Variants in SDC2 observed in about 807,000 individuals in gnomAD.
SDC2 encodes the protein syndecan-2.
A neutral mutation model predicts 22.2 loss-of-function variants in SDC2; 13 were observed. The observed-to-expected ratio is 0.59, with a 90% CI of 0.38 to 0.93. The LOEUF (loss-of-function observed/expected upper bound fraction) is 0.93, where lower values mean the gene tolerates loss of function less well. SDC2 is among the 40% of genes least tolerant of loss of function. SDC2 has a pLI of 0.00. For missense variants in SDC2, 235 were observed against 246.8 expected, an observed-to-expected ratio of 0.95 and a Z score of 0.32; for synonymous variants, 94 against 92.8, an observed-to-expected ratio of 1.01 and a Z score of -0.07.
intron 1 of SDC2, among the ~76,000 whole-genome samples, chr8:96,554,039 C>T (rs1337024587): frequency 6.6e-6 from 1 of 152,166 alleles, no homozygotes; most frequent in East Asian, 1.9e-4. Context: ...ATCTGCCTTG[C>T]TTCAGCCTCC....
chr8:96,591,688 G>A (rs1227377177), intron 1 of SDC2, among the ~76,000 whole-genome samples: 1 of 152,148 alleles, frequency 6.6e-6, no homozygotes, highest in East Asian at 1.9e-4. Flanking sequence ...GTCACAGCCT[G>A]TTTCATAGTA....
At chr8:96,535,119 C>G (rs2130496443) in intron 1 of SDC2, among the ~76,000 whole-genome samples, 1 of 152,194 alleles carries the variant, frequency 6.6e-6, no homozygotes, top group East Asian at 1.9e-4. Context: ...AAGCAATTCT[C>G]CTGCGTCAGC....
Position 96,602,403 on chromosome 8 carries a change from G to A in SDC2, c.181G>A (p.Glu61Lys). ...TTCACTTACTTTTCCAGGAGCTGAT[G>A]AGGATGTAGAGAGTCCAGAGCTGAC... Reference protein sequence around the residue: ...YASASGSGADEDVESPELTTS... With the variant: ...YASASGSGADKDVESPELTTS... The change falls in exon 3 of 5, where the codon GAG becomes AAG. Residue 61 changes from glutamate (E) to lysine (K), a missense_variant. Physicochemically the swap from Glu to Lys is moderately conservative, Grantham distance 56. Transcript: ENST00000302190. 6.2e-7 allele frequency: 1 copy of A among 1,613,690 alleles called. No homozygotes were observed.
At chr8:96,584,507 A>G (rs561916172) in intron 1 of SDC2, among the ~76,000 whole-genome samples, 1 of 152,340 alleles carries the variant, frequency 6.6e-6, no homozygotes, top group East Asian at 1.9e-4. Flanking sequence ...AACACTTCTG[A>G]ATACGAAATA....
intron 1 of SDC2, among the ~76,000 whole-genome samples, chr8:96,578,453 A>G (rs1814539164): frequency 6.6e-6 from 1 of 152,260 alleles, no homozygotes; most frequent in African/African-American, 2.4e-5. Context: ...CATTTCCATC[A>G]TCACAGATTT....
At chr8:96,551,260 C>T (rs1485158249) in intron 1 of SDC2, among the ~76,000 whole-genome samples, 1 of 152,206 alleles carries the variant, frequency 6.6e-6, no homozygotes, top group African/African-American at 2.4e-5. Context: ...ACTTCTCACT[C>T]ACTAAGTGGG....
At chr8:96,498,579 C>CGT (rs1813111124) in intron 1 of SDC2, among the ~76,000 whole-genome samples, 1 of 152,126 alleles carries the variant, frequency 6.6e-6, no homozygotes, top group South Asian at 2.1e-4. Context: ...CAACCACCAC[C>CGT]TCCCAGGTTC....
intron 4 of SDC2, 94 bp downstream of exon 4, chr8:96,608,564 T>C: frequency 8.6e-7 from 1 of 1,162,088 alleles, no homozygotes. Context: ...CTTGCTGTCA[T>C]CTTTCTGCTG....
chr8:96,494,491 C>T (rs1034718290), intron 1 of SDC2, among the ~76,000 whole-genome samples, 160 bp downstream of exon 1: 3 of 152,360 alleles, frequency 2.0e-5, no homozygotes, highest in Admixed American at 6.5e-5. Context: ...CACCCTTTCC[C>T]CCTCTTCCCT....
intron 1 of SDC2, among the ~76,000 whole-genome samples, chr8:96,557,742 A>G (rs2575716): frequency 0.52 from 78,523 of 151,818 alleles, 22,956 homozygotes; most frequent in Non-Finnish European, 0.68. Context: ...AACCTGCACA[A>G]TATGCACATG....
chr8:96,563,256 C>A (rs895699861), intron 1 of SDC2, among the ~76,000 whole-genome samples: 2 of 152,184 alleles, frequency 1.3e-5, no homozygotes, highest in Admixed American at 1.3e-4. Context: ...GCCCACCATT[C>A]TAACGGCCTT....
intron 1 of SDC2, among the ~76,000 whole-genome samples, chr8:96,523,891 T>C (rs1813535973): frequency 6.6e-6 from 1 of 152,178 alleles, no homozygotes; most frequent in Non-Finnish European, 1.5e-5. Flanking sequence ...CTCAACGTGT[T>C]GGTAACTTTA....
At chr8:96,521,547 G>A (rs1389928184) in intron 1 of SDC2, among the ~76,000 whole-genome samples, 1 of 152,202 alleles carries the variant, frequency 6.6e-6, no homozygotes, top group Admixed American at 6.5e-5. Flanking sequence ...CGCATTATCT[G>A]TGTTGTAAGA....
At chr8:96,592,493 C>A (rs1257301319) in intron 1 of SDC2, among the ~76,000 whole-genome samples, 2 of 152,096 alleles carry the variant, frequency 1.3e-5, no homozygotes, top group African/African-American at 4.8e-5. Context: ...TTAAAAGCTG[C>A]CTGTCTGCTT....
chr8:96,498,791 T>C (rs1813115156), intron 1 of SDC2, among the ~76,000 whole-genome samples: 1 of 151,980 alleles, frequency 6.6e-6, no homozygotes, highest in African/African-American at 2.4e-5. Flanking sequence ...TGCCTGGCCA[T>C]TGGTCTCTTC....
At chr8:96,594,807 CAA>C (rs1814845158) in intron 2 of SDC2, among the ~76,000 whole-genome samples, 1 of 152,174 alleles carries the variant, frequency 6.6e-6, no homozygotes, top group African/African-American at 2.4e-5. Flanking sequence ...GAAGGGGAAA[CAA>C]ACATGTACTT....
chr8:96,514,458 T>G (rs1813372640), intron 1 of SDC2, among the ~76,000 whole-genome samples: 1 of 152,142 alleles, frequency 6.6e-6, no homozygotes, highest in African/African-American at 2.4e-5. Flanking sequence ...CAACCCTTCT[T>G]CGGCTGGACA....
intron 1 of SDC2, among the ~76,000 whole-genome samples, chr8:96,561,349 T>C (rs1197612950): frequency 6.6e-6 from 1 of 152,146 alleles, no homozygotes; most frequent in African/African-American, 2.4e-5. Context: ...AGAGAAGACA[T>C]GAAGACAGCT....
chr8:96,525,317 C>A (rs1381892372), intron 1 of SDC2, among the ~76,000 whole-genome samples: 4 of 151,886 alleles, frequency 2.6e-5, no homozygotes, highest in Non-Finnish European at 4.4e-5. Flanking sequence ...GCTGTAGTCT[C>A]CTTTCTGCTC....
Sources: gnomAD v4.1 joint callset for allele counts (sites outside exome capture counted in the v4.1 genomes callset) on GRCh38, gnomAD v4.1.1 for gene constraint, MANE v1.5 for transcripts, NCBI Gene and HGNC (gene_info 2026-07-23, HGNC 2026-07-21) for gene names.